Variants in MREG observed in about 807,000 individuals in gnomAD.
The protein encoded by MREG is dilute suppressor protein homolog.
A neutral mutation model predicts 28.5 loss-of-function variants in MREG; 31 were observed. The ratio of observed to expected loss-of-function variants is 1.09; its 90% CI spans 0.82 to 1.47. The LOEUF (loss-of-function observed/expected upper bound fraction) is 1.47, where lower values mean the gene tolerates loss of function less well. MREG is among the 40% of genes most tolerant of loss of function. The pLI is 0.00. For missense variants in MREG, 256 were observed against 257.4 expected (o/e 0.99, Z 0.04); for synonymous variants, 106 against 95.2 (o/e 1.11, Z -0.66).
chr2:216,022,388 C>A (rs1158799683), intron 1 of MREG, among the ~76,000 whole-genome samples: 1 of 152,054 alleles, frequency 6.6e-6, no homozygotes, highest in East Asian at 1.9e-4. Flanking sequence ...TGTGCTCTTC[C>A]CTACCTCACC....
upstream of MREG, among the ~76,000 whole-genome samples, chr2:216,015,101 C>T (rs1694413846): frequency 3.7e-5 from 3 of 82,180 alleles, no homozygotes; most frequent in Admixed American, 4.0e-4. Context: ...CCAGGGAGAG[C>T]GGGGTGTGTG....
intron 2 of MREG, among the ~76,000 whole-genome samples, chr2:215,954,841 T>G (rs552370315): frequency 5.3e-5 from 8 of 152,188 alleles, no homozygotes; most frequent in African/African-American, 1.9e-4. Flanking sequence ...GTAGCTGGGA[T>G]TACAGGCACG....
chr2:215,992,825 G>C (rs1424862108), intron 2 of MREG, among the ~76,000 whole-genome samples: 1 of 152,128 alleles, frequency 6.6e-6, no homozygotes, highest in Non-Finnish European at 1.5e-5. Context: ...TTGCCACAAA[G>C]AGAATTAAAT....
chr2:215,995,511 C>CCCCCCCCCCCCCCCCG (rs146414052), intron 2 of MREG, among the ~76,000 whole-genome samples: 25 of 136,104 alleles, frequency 1.8e-4, no homozygotes, highest in East Asian at 6.3e-4. Flanking sequence ...CCCACCCCAC[C>CCCCCCCCCCCCCCCCG]CCCCGCCACC....
downstream of MREG, among the ~76,000 whole-genome samples, chr2:215,941,464 C>T (rs542215286): frequency 4.6e-5 from 7 of 152,362 alleles, 1 homozygote; most frequent in East Asian, 1.3e-3. Flanking sequence ...TGAAGTATCA[C>T]TGTCAGCTTG....
intron 2 of MREG, among the ~76,000 whole-genome samples, chr2:215,996,061 C>G (rs1164008126): frequency 6.6e-6 from 1 of 152,158 alleles, no homozygotes; most frequent in Non-Finnish European, 1.5e-5. Context: ...ACAGCATTGC[C>G]TTGCGTGTAA....
chr2:215,958,501 T>C lies in MREG; in HGVS notation c.256-11388A>G, dbSNP rs531664282. On this transcript the variant is annotated intron_variant, in intron 2 of 4. Coordinates refer to ENST00000263268, the MANE Select transcript of MREG (RefSeq NM_018000.3). ...CAAGAAACGAGCTCACGTCTCTTCA[T>C]AGGGCAGCTGGCTGCACTGATGCAA... 2.1e-4 allele frequency among the ~76,000 whole-genome samples: 32 copies of C among 152,334 alleles called. No homozygotes were observed. The South Asian group carries it at 2.7e-3, about 13-fold the overall frequency.
chr2:215,958,062 C>A (rs1285082778), intron 2 of MREG, among the ~76,000 whole-genome samples: 3 of 145,242 alleles, frequency 2.1e-5, no homozygotes, highest in Admixed American at 7.2e-5. Flanking sequence ...ACAATGAGAA[C>A]ACATGGACAC....
At chr2:216,030,189 TG>T (rs1430737442) in intron 1 of MREG, among the ~76,000 whole-genome samples, 1 of 152,220 alleles carries the variant, frequency 6.6e-6, no homozygotes, top group Admixed American at 6.5e-5. Flanking sequence ...TTGGGGGTGA[TG>T]GGTACTATTA....
rs144730083 is a variant in MREG at position 215,982,940 on chromosome 2, T to C, written c.255+13366A>G. Among the ~76,000 whole-genome samples the C allele has an allele frequency of 6.7e-4, 102 of 152,310 alleles. No individual in the cohort carries two copies. In the East Asian group the frequency reaches 0.016, roughly 24 times the overall value. The stretch of plus-strand genomic sequence containing the variant: ...GTAATATTCTATAAATATTATTACC[T>C]AGAAAATAGAGTGCAAGAACCCTTG... On this transcript the variant is annotated intron_variant, in intron 2 of 4. Coordinates refer to ENST00000263268, the MANE Select transcript of MREG (RefSeq NM_018000.3).
In MREG at chr2:216,008,930, G is replaced by A. The variant is rs146506742; in HGVS notation, c.95+4303C>T. Among the ~76,000 whole-genome samples the A allele has an allele frequency of 4.4e-3, 665 of 152,282 alleles. 5 individuals carry two copies. Among genetic ancestry groups the A allele is most frequent in the African/African-American group, 0.015 (635 of 41,550 alleles). ...CAACTCAGTCTCTGCCCCAAGCGGC[G>A]TGACTCAAACTAAACCATTTCTGCT... On this transcript the variant is annotated intron_variant, in intron 1 of 4. Coordinates refer to ENST00000263268, the MANE Select transcript of MREG (RefSeq NM_018000.3).
chr2:215,940,962 C>A (rs1324413545), downstream of MREG, among the ~76,000 whole-genome samples: 1 of 152,192 alleles, frequency 6.6e-6, no homozygotes, highest in Non-Finnish European at 1.5e-5. Flanking sequence ...TCAGTGGCCA[C>A]AAACCATGTA....
At chr2:216,003,324 T>A (rs1694066596) in intron 1 of MREG, among the ~76,000 whole-genome samples, 1 of 152,146 alleles carries the variant, frequency 6.6e-6, no homozygotes, top group Non-Finnish European at 1.5e-5. Flanking sequence ...ATTCTCACGC[T>A]GAGGCAGAGC....
Position 215,943,150 on chromosome 2 carries a change from T to TTTA in MREG, c.*1712_*1713insTAA. The TTTA allele has an allele frequency of 3.9e-6, 1 of 258,296 alleles. No individual in the cohort carries two copies. The highest frequency in any genetic ancestry group is 4.3e-5 in the South Asian group (1 of 23,336). The allele number at this position is 258,296 out of a possible 1,614,324, so 16.0% of individuals were successfully genotyped here. ...AATACAAGTTAGTTTTTAACCTGAATTCAGAAGTGCAAAATCTGTAAAAAT... is the reference window on the plus strand; with the variant it reads ...AATACAAGTTAGTTTTTAACCTGAATTTATCAGAAGTGCAAAATCTGTAAAAAT... On this transcript the variant is annotated 3_prime_UTR_variant, in exon 5 of 5. Transcript: ENST00000263268.
At chr2:216,028,442 G>A (rs1176418744) in intron 1 of MREG, among the ~76,000 whole-genome samples, 1 of 147,762 alleles carries the variant, frequency 6.8e-6, no homozygotes, top group Non-Finnish European at 1.5e-5. Flanking sequence ...GCAGGAGAAT[G>A]TCATGAACCC....
At chr2:215,971,002 T>C (rs1042827525) in intron 2 of MREG, among the ~76,000 whole-genome samples, 13 of 152,158 alleles carry the variant, frequency 8.5e-5, no homozygotes, top group African/African-American at 3.1e-4. Flanking sequence ...TGGATGAAGC[T>C]GGAAGCCATA....
At chr2:216,000,620 C>G (rs753503513) in intron 1 of MREG, among the ~76,000 whole-genome samples, 11 of 152,178 alleles carry the variant, frequency 7.2e-5, no homozygotes, top group African/African-American at 2.7e-4. Flanking sequence ...GTCAGTTCCT[C>G]TAGGGCAGGG....
At chr2:216,015,100 G>A (rs955715304), upstream of MREG, among the ~76,000 whole-genome samples, 7 of 87,548 alleles carry the variant, frequency 8.0e-5, no homozygotes, top group East Asian at 2.4e-3. Context: ...GCCAGGGAGA[G>A]CGGGGTGTGT....
chr2:215,964,300 A>G (rs1034474317), intron 2 of MREG, among the ~76,000 whole-genome samples: 4 of 152,146 alleles, frequency 2.6e-5, no homozygotes, highest in African/African-American at 9.7e-5. Context: ...CCTGGCCAAC[A>G]TGGTGAAACC....
Sources: gnomAD v4.1 joint callset for allele counts (sites outside exome capture counted in the v4.1 genomes callset) on GRCh38, gnomAD v4.1.1 for gene constraint, MANE v1.5 for transcripts, NCBI Gene and HGNC (gene_info 2026-07-23, HGNC 2026-07-21) for gene names.